The following ARHGEF40 variants were observed in gnomAD, a reference collection of about 807,000 sequenced individuals.
The protein encoded by ARHGEF40 is Rho guanine nucleotide exchange factor 40, also known as Rho guanine nucleotide exchange factor (GEF) 40.
ARHGEF40 carries 98 observed loss-of-function variants against 165.9 expected under a neutral mutation model. That is an observed-to-expected ratio of 0.59 (90% CI 0.50 to 0.70). The LOEUF (loss-of-function observed/expected upper bound fraction) is 0.70. Ranked by LOEUF, ARHGEF40 falls within the 30% of genes least tolerant of loss-of-function variation. The pLI is 0.00. For synonymous variants in ARHGEF40, 792 were observed against 814.3 expected (o/e 0.97, Z 0.47); for missense variants, 1,815 against 1,968.0 (o/e 0.92, Z 1.47).
rs905847407 is a variant in ARHGEF40 at position 21,070,337 on chromosome 14, C to A, written c.-60C>A. The A allele has an allele frequency of 5.0e-6, 7 of 1,399,056 alleles. No individual in the cohort carries two copies. The highest frequency in any genetic ancestry group is 6.2e-5 in the Admixed American group (2 of 32,384). 86.7% of individuals were successfully genotyped at this position (1,399,056 alleles called of 1,614,324 possible). A position where few individuals can be genotyped will look rare whatever the true frequency, so the allele number is the denominator to read the frequency against. ...CGAGACACGAGCGGCGGGAGGGAGG[C>A]GGTGGCGCGCCCGGCCCCGCCCGCC... On this transcript the variant is annotated 5_prime_UTR_variant, in exon 1 of 24. Coordinates refer to ENST00000298694, the MANE Select transcript of ARHGEF40 (RefSeq NM_018071.5). This position sits in a 1 kb window ranked among gnomAD's most constrained non-coding sequence, Gnocchi z 4.7.
chr14:21,068,099 A>C (rs1886376430), upstream of ARHGEF40, among the ~76,000 whole-genome samples: 2 of 39,326 alleles, frequency 5.1e-5, 1 homozygote, highest in South Asian at 1.6e-3. Context: ...TCCCGGGTTC[A>C]CGCCATTCTC....
upstream of ARHGEF40, among the ~76,000 whole-genome samples, chr14:21,068,906 A>G (rs1339513220): frequency 1.3e-5 from 2 of 152,224 alleles, no homozygotes; most frequent in Non-Finnish European, 2.9e-5. Flanking sequence ...GAGGTGAGAG[A>G]AGAGCAAGTC....
chr14:21,081,003 G>A lies in ARHGEF40; in HGVS notation c.2627G>A (p.Arg876His), dbSNP rs1291849058. Reference protein sequence around the residue: ...SGLHRALRLQRFFQQAHEWVD... With the variant: ...SGLHRALRLQHFFQQAHEWVD... ...CTCCATCGGGCCCTGCGGCTACAGC[G>A]CTTCTTCCAGCAGGTGCATGCAGAG... Residue 876 changes from arginine (R) to histidine (H), a missense_variant, in exon 13 of 24, where the codon CGC (arginine) becomes CAC (histidine). Physicochemically the swap from Arg to His is conservative, Grantham distance 29. Coordinates refer to ENST00000298694, the MANE Select transcript of ARHGEF40 (RefSeq NM_018071.5). The A allele has an allele frequency of 1.1e-5, 17 of 1,612,894 alleles. No homozygotes were observed. The highest frequency in any genetic ancestry group is 4.0e-5 in the African/African-American group (3 of 74,886).
chr14:21,071,995 G>A (rs965342358), intron 1 of ARHGEF40, among the ~76,000 whole-genome samples: 1 of 152,246 alleles, frequency 6.6e-6, no homozygotes, highest in South Asian at 2.1e-4. Context: ...GGCAAGGTAT[G>A]GGGGTAGGGA....
intron 22 of ARHGEF40, 137 bp from the exon 23 acceptor site, chr14:21,088,693 A>G (rs533623121): frequency 1.1e-6 from 1 of 922,260 alleles, no homozygotes. Flanking sequence ...CTAAAAAAAT[A>G]AAAGTAAATA....
intron 13 of ARHGEF40, 36 bp downstream of exon 13, chr14:21,081,052 T>A (rs751255063): frequency 6.3e-7 from 1 of 1,588,168 alleles, no homozygotes; most frequent in Admixed American, 1.8e-5. Context: ...TGCCCCCCCA[T>A]TTCCATTTAT....
Position 21,088,048 on chromosome 14 carries a change from A to G in ARHGEF40, c.4468A>G (p.Ser1490Gly). The G allele has an allele frequency of 6.2e-7, 1 of 1,613,830 alleles. No individual in the cohort carries two copies. Among genetic ancestry groups the G allele is most frequent in the Non-Finnish European group, 8.5e-7 (1 of 1,179,896 alleles). Residue 1490 changes from serine (S) to glycine (G), a missense_variant, in exon 22 of 24, where the codon AGC becomes GGC. Coordinates refer to ENST00000298694, the MANE Select transcript of ARHGEF40 (RefSeq NM_018071.5). The stretch of plus-strand genomic sequence containing the variant: ...CAGCCTGCAACCCCCCCACCCTGGG[A>G]GCAGCACTCCCACCCTGGCCAGTCG... ...SPSLQPPHPG[S>G]STPTLASRGI... is the part of the protein sequence containing the mutation.
In ARHGEF40 at chr14:21,082,934, C is replaced by A. The variant is rs533453661; in HGVS notation, c.3573+17C>A. 1.9e-6 allele frequency: 3 copies of A among 1,610,724 alleles called. No homozygotes were observed. The highest frequency in any genetic ancestry group is 2.2e-5 in the South Asian group (2 of 90,996). ...TTAAGCAAGGTAACTTTTTCTCCAA[C>A]CTTCAGGAGAAAAGTAGAGAGGCCA... On this transcript the variant is annotated intron_variant, in intron 16 of 23. Transcript: ENST00000298694.
intron 16 of ARHGEF40, among the ~76,000 whole-genome samples, chr14:21,083,399 A>G (rs1888085706): frequency 6.7e-6 from 1 of 149,810 alleles, no homozygotes; most frequent in Admixed American, 6.6e-5. Context: ...AAAAAAAAAA[A>G]ATTAGCCAGG....
At chr14:21,079,299 C>G (rs1207533874) in intron 11 of ARHGEF40, among the ~76,000 whole-genome samples, 1 of 152,150 alleles carries the variant, frequency 6.6e-6, no homozygotes. Context: ...AAGAGCTGAT[C>G]AACTCTGGAG....
chr14:21,065,515 GGTGA>G (rs1886216179), upstream of ARHGEF40, among the ~76,000 whole-genome samples: 1 of 152,196 alleles, frequency 6.6e-6, no homozygotes, highest in Admixed American at 6.5e-5. Context: ...GTGGTAGAAA[GGTGA>G]GTCTATTATG....
chr14:21,084,758 T>G lies in ARHGEF40; in HGVS notation c.3795T>G (p.Asp1265Glu). 1 of 1,613,054 alleles carries G rather than the reference T, an allele frequency of 6.2e-7. No homozygotes were observed. The change falls in exon 18 of 24, where the codon GAT (aspartate) becomes GAG (glutamate). Residue 1265 changes from aspartate to glutamate, a missense_variant. Transcript: ENST00000298694. ...TTTCCTTTTCCTTTCTCCAGATAGA[T>G]CTGAAGGAGCAGGGACAGCTCTTGC... ...AVEAVRGCEI[D>E]LKEQGQLLHR...
At chr14:21,081,301 C>T (rs117275609) in intron 13 of ARHGEF40, 9 of 799,740 alleles carry the variant, frequency 1.1e-5, no homozygotes, top group South Asian at 3.7e-5. Flanking sequence ...GTATGAGTAC[C>T]GGTTATTCTT....
chr14:21,078,444 T>TG lies in ARHGEF40; in HGVS notation c.2209dup (p.Ala737GlyfsTer94), dbSNP rs749402223. The TG allele has an allele frequency of 1.2e-5, 19 of 1,609,790 alleles. No individual in the cohort carries two copies. The highest frequency in any genetic ancestry group is 8.8e-5 in the South Asian group (8 of 90,508). ...CCCGGCTGACGGCACTGCAGAGGGA[T>TG]GGGGGGGCCATCCTGATGAGGCTGC... On this transcript the variant is annotated frameshift_variant, in exon 10 of 24. Transcript: ENST00000298694. LOFTEE classifies it high-confidence loss of function.
chr14:21,088,987 A>C, intron 23 of ARHGEF40, 27 bp from the exon 24 acceptor site: 1 of 1,070,124 alleles, frequency 9.3e-7, no homozygotes, highest in Non-Finnish European at 1.4e-6. Flanking sequence ...CTCCCAACTC[A>C]TCTCCCTCTT....
upstream of ARHGEF40, among the ~76,000 whole-genome samples, chr14:21,066,036 T>A (rs536098967): frequency 6.6e-6 from 1 of 152,204 alleles, no homozygotes; most frequent in African/African-American, 2.4e-5. Context: ...GAGGTACAGG[T>A]TGCAGTGAGT....
chr14:21,078,139 C>T, intron 8 of ARHGEF40, 38 bp from the exon 9 acceptor site: 1 of 1,574,656 alleles, frequency 6.4e-7, no homozygotes, highest in Non-Finnish European at 8.6e-7. Flanking sequence ...CCTTCTTAAA[C>T]TCTGATCCTC....
intron 19 of ARHGEF40, chr14:21,086,318 G>T (rs953007906): frequency 6.1e-6 from 1 of 163,724 alleles, no homozygotes; most frequent in Non-Finnish European, 1.3e-5. Context: ...CAAGGCTACA[G>T]TGAGCTATGG....
chr14:21,080,645 C>A lies in ARHGEF40; in HGVS notation c.2374-15C>A. On this transcript the variant is annotated splice_polypyrimidine_tract_variant and intron_variant, in intron 11 of 23. Transcript: ENST00000298694. ...CACTCCATGACCCCCTGCCCTCCCA[C>A]CCCATCTGCCTCAGGTGTTGCAGTG... 6.2e-7 allele frequency: 1 copy of A among 1,606,358 alleles called. No homozygotes were observed. The highest frequency in any genetic ancestry group is 8.5e-7 in the Non-Finnish European group (1 of 1,177,038).
Sources: gnomAD v4.1 joint callset for allele counts (sites outside exome capture counted in the v4.1 genomes callset) on GRCh38, gnomAD v4.1.1 for gene constraint, Gnocchi (gnomAD v3.1) non-coding constraint, MANE v1.5 for transcripts, NCBI Gene and HGNC (gene_info 2026-07-23, HGNC 2026-07-21) for gene names.